The following ATG7 variants were observed in gnomAD, a reference collection of about 807,000 sequenced individuals.
ATG7 encodes the protein ubiquitin-like modifier-activating enzyme ATG7.
Under a neutral mutation model 82.4 loss-of-function variants are expected in ATG7, and 70 were observed. The ratio of observed to expected loss-of-function variants is 0.85; its 90% CI spans 0.70 to 1.04. The LOEUF is 1.04. ATG7 is among the 50% of genes least tolerant of loss of function. The probability of loss-of-function intolerance (pLI) is 0.00; values close to 1 mark genes in which losing one functional copy is unlikely to be tolerated. For missense variants in ATG7, 792 were observed against 864.3 expected, an observed-to-expected ratio of 0.92 and a Z score of 1.05; for synonymous variants, 287 against 313.0, an observed-to-expected ratio of 0.92 and a Z score of 0.88.
intron 19 of ATG7, among the ~76,000 whole-genome samples, chr3:11,399,370 G>A (rs760054346): frequency 4.0e-4 from 60 of 151,754 alleles, no homozygotes; most frequent in Non-Finnish European, 6.0e-4. Context: ...AATATAAATC[G>A]GATGGAAAAG....
intron 20 of ATG7, among the ~76,000 whole-genome samples, chr3:11,533,614 C>T (rs960261160): frequency 4.0e-5 from 6 of 149,018 alleles, no homozygotes; most frequent in African/African-American, 7.4e-5. Flanking sequence ...TCTGAAATGA[C>T]GAAAAACTCA....
At chr3:11,336,199 AT>A (rs11337201) in intron 11 of ATG7, among the ~76,000 whole-genome samples, 131,741 of 151,688 alleles carry the variant, frequency 0.87, 57,490 homozygotes, top group East Asian at 1. Context: ...ACACATGGCT[AT>A]TTTTTTTGTA....
intron 20 of ATG7, among the ~76,000 whole-genome samples, chr3:11,459,722 G>A (rs191847486): frequency 6.6e-5 from 10 of 152,218 alleles, no homozygotes; most frequent in African/African-American, 2.4e-4. Flanking sequence ...GCCTTTTGTC[G>A]AGGCAATAGC....
At chr3:11,491,320 C>T (rs1405357204) in intron 20 of ATG7, among the ~76,000 whole-genome samples, 3 of 152,202 alleles carry the variant, frequency 2.0e-5, no homozygotes, top group Admixed American at 2.0e-4. Context: ...CTTTCAGCTC[C>T]ATCAGCTCCT....
At chr3:11,339,113 G>A (rs927579215) in intron 11 of ATG7, among the ~76,000 whole-genome samples, 4 of 151,882 alleles carry the variant, frequency 2.6e-5, no homozygotes, top group Non-Finnish European at 5.9e-5. Flanking sequence ...TGGCTAACAC[G>A]GTAAAGCACC....
intron 9 of ATG7, among the ~76,000 whole-genome samples, chr3:11,329,613 C>T (rs1951357345): frequency 6.6e-6 from 1 of 152,166 alleles, no homozygotes; most frequent in Non-Finnish European, 1.5e-5. Context: ...ACTTTCTGCT[C>T]TCCATATGCT....
chr3:11,362,126 A>G (rs917040443), intron 16 of ATG7, among the ~76,000 whole-genome samples: 1 of 152,220 alleles, frequency 6.6e-6, no homozygotes, highest in Non-Finnish European at 1.5e-5. Context: ...GGTCCCTTGC[A>G]GTAAAGTCCC....
chr3:11,517,388 A>G, intron 20 of ATG7, among the ~76,000 whole-genome samples: 1 of 152,002 alleles, frequency 6.6e-6, no homozygotes, highest in South Asian at 2.1e-4. Flanking sequence ...TGATGGAGAC[A>G]GTAAGATCAC....
chr3:11,492,064 G>A (rs2090411160), intron 20 of ATG7, among the ~76,000 whole-genome samples: 2 of 152,124 alleles, frequency 1.3e-5, no homozygotes, highest in South Asian at 2.1e-4. Context: ...CCCCAGCCTC[G>A]CTGCCACCTT....
chr3:11,298,824 T>G lies in ATG7; in HGVS notation c.129T>G (p.Ala43=). ...TGAACGAGTATCGGCTGGATGAAGC[T>G]CCCAAGGACATTAAGGGTTATTACT... ...KKLNEYRLDE[A]PKDIKGYYYN... Residue 43 remains alanine, a synonymous_variant, in exon 4 of 21, where the codon GCT becomes GCG. Transcript: ENST00000693202. 6.2e-7 allele frequency: 1 copy of G among 1,614,188 alleles called. No individual in the cohort carries two copies. Among genetic ancestry groups the G allele is most frequent in the Non-Finnish European group, 8.5e-7 (1 of 1,180,026 alleles).
chr3:11,475,908 C>CACACACACACACACACA (rs59230356), intron 20 of ATG7, among the ~76,000 whole-genome samples: 27 of 145,640 alleles, frequency 1.9e-4, no homozygotes, highest in African/African-American at 2.1e-4. Context: ...CACACACACA[C>CACACACACACACACACA]CCCCTCCCAG....
At chr3:11,476,410 T>C (rs2088222078) in intron 20 of ATG7, among the ~76,000 whole-genome samples, 1 of 140,164 alleles carries the variant, frequency 7.1e-6, no homozygotes. Context: ...GAACTTTATG[T>C]GGTTTTTCTT....
At chr3:11,566,788 G>A in the ATG7 span, among the ~76,000 whole-genome samples, 6 of 152,088 alleles carry the variant, frequency 3.9e-5, no homozygotes, top group African/African-American at 2.4e-5. Context: ...TGATCTCTTC[G>A]TCTACGCACC....
downstream of ATG7, among the ~76,000 whole-genome samples, chr3:11,560,259 C>G (rs1353754524): frequency 6.6e-6 from 1 of 152,150 alleles, no homozygotes; most frequent in Admixed American, 6.6e-5. Flanking sequence ...GTATGTCTGG[C>G]CCCCCAGCTT....
At chr3:11,388,470 T>C (rs1018714234) in intron 19 of ATG7, among the ~76,000 whole-genome samples, 2 of 150,738 alleles carry the variant, frequency 1.3e-5, no homozygotes, top group South Asian at 2.1e-4. Flanking sequence ...GCTCTGTTGC[T>C]CAGGCTGGAG....
At chr3:11,468,728 G>A (rs757779135) in intron 20 of ATG7, among the ~76,000 whole-genome samples, 1 of 152,174 alleles carries the variant, frequency 6.6e-6, no homozygotes, top group Non-Finnish European at 1.5e-5. Flanking sequence ...GGCTTGGGAT[G>A]GGGATGCTTC....
In ATG7 at chr3:11,310,491, A is replaced by G. The variant is rs147333232; in HGVS notation, c.411+1430A>G. ...AATCAAACAAGGCCAGTGGGTGGCT[A>G]TCTACAAGGAACACATTTTCTAACA... On this transcript the variant is annotated intron_variant, in intron 7 of 20. Coordinates refer to ENST00000693202, the MANE Select transcript of ATG7 (RefSeq NM_001349232.2). Among the ~76,000 whole-genome samples, 668 of 152,344 alleles carry G rather than the reference A, an allele frequency of 4.4e-3. 6 individuals carry two copies. Among genetic ancestry groups the G allele is most frequent in the African/African-American group, 0.015 (630 of 41,570 alleles).
the ATG7 span, among the ~76,000 whole-genome samples, chr3:11,573,231 A>G: frequency 1.5e-5 from 2 of 135,260 alleles, 1 homozygote; most frequent in East Asian, 4.0e-4. Flanking sequence ...AGACAGACAG[A>G]AAGAAAAGAA....
At chr3:11,568,993 A>T in the ATG7 span, 1 of 1,088,788 alleles carries the variant, frequency 9.2e-7, no homozygotes, top group South Asian at 2.4e-5. This position sits in a 1 kb window ranked among gnomAD's most constrained non-coding sequence, Gnocchi z 5.9. Flanking sequence ...CTACAACACC[A>T]TCATCCAGGA....
Sources: gnomAD v4.1 joint callset for allele counts (sites outside exome capture counted in the v4.1 genomes callset) on GRCh38, gnomAD v4.1.1 for gene constraint, Gnocchi (gnomAD v3.1) non-coding constraint, MANE v1.5 for transcripts, NCBI Gene and HGNC (gene_info 2026-07-23, HGNC 2026-07-21) for gene names.